NAT2: variants seen among roughly 807,000 people sequenced by gnomAD.
The protein encoded by NAT2 is arylamine N-acetyltransferase 2.
For missense variants in NAT2, 428 were observed against 339.1 expected, an observed-to-expected ratio of 1.26 and a Z score of -2.06; for synonymous variants, 137 against 125.9, an observed-to-expected ratio of 1.09 and a Z score of -0.59.
Position 18,400,086 on chromosome 8 carries a change from T to C in NAT2, c.83T>C (p.Leu28Pro). 1 of 1,613,894 alleles carries C rather than the reference T, an allele frequency of 6.2e-7. No homozygotes were observed. Among genetic ancestry groups the C allele is most frequent in the Non-Finnish European group, 8.5e-7 (1 of 1,179,894 alleles). ...GACTTGGAAACATTAACTGACATTC[T>C]TGAGCACCAGATCCGGGCTGTTCCC... ...KLDLETLTDILEHQIRAVPFE... is the reference protein window; with the variant it reads ...KLDLETLTDIPEHQIRAVPFE... The change falls in exon 2 of 2, where the codon CTT (leucine) becomes CCT (proline). Residue 28 changes from leucine (L) to proline (P), a missense_variant. Leu to Pro is a moderately conservative substitution (Grantham distance 98). Coordinates refer to ENST00000286479, the MANE Select transcript of NAT2 (RefSeq NM_000015.3).
Position 18,400,965 on chromosome 8 carries a change from C to A in NAT2, c.*89C>A. ...CTATCAGATATCCTCTCTACCCTCA[C>A]GTTATTTTGAAGAAAATCCTAAACA... On this transcript the variant is annotated 3_prime_UTR_variant, in exon 2 of 2. Coordinates refer to ENST00000286479, the MANE Select transcript of NAT2 (RefSeq NM_000015.3). The A allele has an allele frequency of 1.1e-6, 1 of 915,794 alleles. No individual in the cohort carries two copies. Among genetic ancestry groups the A allele is most frequent in the Non-Finnish European group, 1.5e-6 (1 of 649,378 alleles). The allele number at this position is 915,794 out of a possible 1,614,324, so 56.7% of individuals were successfully genotyped here.
chr8:18,400,277 T>A lies in NAT2; in HGVS notation c.274T>A (p.Tyr92Asn). The A allele has an allele frequency of 2.5e-6, 4 of 1,613,356 alleles. No homozygotes were observed. The highest frequency in any genetic ancestry group is 3.4e-6 in the Non-Finnish European group (4 of 1,179,636). ...TTTTCAGACCACAATGTTAGGAGGG[T>A]ATTTTTACATCCCTCCAGTTAACAA... is the stretch of plus-strand genomic sequence containing the variant. Reference protein sequence around the residue: ...IGFQTTMLGGYFYIPPVNKYS... With the variant: ...IGFQTTMLGGNFYIPPVNKYS... The change falls in exon 2 of 2, where the codon TAT (tyrosine) becomes AAT (asparagine). Residue 92 changes from tyrosine (Y) to asparagine (N), a missense_variant. By Grantham distance (143) the Tyr-to-Asn change is moderately radical. Coordinates refer to ENST00000286479, the MANE Select transcript of NAT2 (RefSeq NM_000015.3).
Sources: gnomAD v4.1 joint callset for allele counts on GRCh38, gnomAD v4.1.1 for gene constraint, MANE v1.5 for transcripts, NCBI Gene and HGNC (gene_info 2026-07-23, HGNC 2026-07-21) for gene names.